Variants in NT5DC3 observed in about 807,000 individuals in gnomAD.
NT5DC3 encodes 5'-nucleotidase domain-containing protein 3.
In NT5DC3, 42 loss-of-function variants were observed where a neutral mutation model predicts 67.8. The ratio of observed to expected loss-of-function variants is 0.62; its 90% CI spans 0.48 to 0.80. The LOEUF is 0.80. Ranked by LOEUF, NT5DC3 falls within the 30% of genes least tolerant of loss-of-function variation. The pLI is 0.00. For synonymous variants in NT5DC3, 237 were observed against 255.6 expected (o/e 0.93, Z 0.69); for missense variants, 570 against 696.4 (o/e 0.82, Z 2.04).
At chr12:103,791,597 G>A (rs1438876152) in intron 9 of NT5DC3, among the ~76,000 whole-genome samples, 1 of 152,154 alleles carries the variant, frequency 6.6e-6, no homozygotes, top group Admixed American at 6.5e-5. Flanking sequence ...ACACACCTAG[G>A]TAGAACATCC....
intron 1 of NT5DC3, among the ~76,000 whole-genome samples, chr12:103,836,131 C>T (rs1192714932): frequency 6.6e-6 from 1 of 152,144 alleles, no homozygotes; most frequent in Non-Finnish European, 1.5e-5. Context: ...AGATGGTATT[C>T]AAGATGAGAT....
chr12:103,829,558 G>A (rs541560823), intron 1 of NT5DC3, among the ~76,000 whole-genome samples: 87 of 152,132 alleles, frequency 5.7e-4, no homozygotes, highest in African/African-American at 2.1e-3. Flanking sequence ...GCATCCAGCT[G>A]GAATGTTTCT....
chr12:103,811,307 G>C (rs1887022582), intron 2 of NT5DC3, among the ~76,000 whole-genome samples: 1 of 152,128 alleles, frequency 6.6e-6, no homozygotes, highest in Non-Finnish European at 1.5e-5. Context: ...AGCAAGCCGG[G>C]AGCAAGCCTC....
At position 103,777,927 on chromosome 12, in the gene NT5DC3, A is replaced by G; in HGVS notation, c.1549T>C (p.Tyr517His). The G allele has an allele frequency of 6.2e-7, 1 of 1,614,222 alleles. No individual in the cohort carries two copies. Among genetic ancestry groups the G allele is most frequent in the African/African-American group, 1.3e-5 (1 of 75,062 alleles). ...LLNYDVSHTF[Y>H]PRRTPLQHEL... ...TGCTGCAGTGGAGTCCTCCGGGGGT[A>G]GAAAGTGTGGCTGACGTCATAGTTC... The change falls in exon 14 of 14, where the codon TAC (tyrosine) becomes CAC (histidine). Residue 517 changes from tyrosine to histidine, a missense_variant. Physicochemically the swap from Tyr to His is moderately conservative, Grantham distance 83. This residue lies in a region of NT5DC3 where 466 missense variants were observed against 608.0 expected (regional missense o/e 0.77). Transcript: ENST00000392876.
At chr12:103,816,955 C>CTT (rs1887279584) in intron 1 of NT5DC3, among the ~76,000 whole-genome samples, 1 of 116,642 alleles carries the variant, frequency 8.6e-6, no homozygotes, top group Admixed American at 1.0e-4. Context: ...TCTTGGCAGT[C>CTT]TTTTCTTTTT....
chr12:103,782,378 AG>A (rs79934620), intron 12 of NT5DC3, among the ~76,000 whole-genome samples: 35,814 of 151,960 alleles, frequency 0.24, 4,785 homozygotes, highest in South Asian at 0.45. Context: ...AAGAAAAAAA[AG>A]AGAAGAATTT....
At chr12:103,808,254 G>A (rs934997734) in intron 2 of NT5DC3, among the ~76,000 whole-genome samples, 3 of 152,204 alleles carry the variant, frequency 2.0e-5, no homozygotes, top group African/African-American at 7.2e-5. Context: ...ACAAACTAGG[G>A]TATGGTGGGC....
chr12:103,753,495 C>T, the NT5DC3 span: 1 of 1,137,582 alleles, frequency 8.8e-7, no homozygotes, highest in African/African-American at 1.6e-5. Context: ...TAACAGTCAC[C>T]ATGTCCATTT....
intron 1 of NT5DC3, among the ~76,000 whole-genome samples, chr12:103,824,258 T>A (rs2139448570): frequency 6.6e-6 from 1 of 152,348 alleles, no homozygotes; most frequent in East Asian, 1.9e-4. Context: ...TTAAAGAGAT[T>A]TAAATTTTTA....
the NT5DC3 span, chr12:103,755,563 C>G: frequency 6.2e-7 from 1 of 1,612,200 alleles, no homozygotes; most frequent in Non-Finnish European, 8.5e-7. Context: ...CAGTGCAGCC[C>G]TGGCCCCTGC....
At chr12:103,786,721 C>G (rs967799657) in intron 11 of NT5DC3, among the ~76,000 whole-genome samples, 3 of 137,470 alleles carry the variant, frequency 2.2e-5, no homozygotes, top group African/African-American at 8.0e-5. Flanking sequence ...CTCACTCTGT[C>G]GCCTAGGCTA....
At chr12:103,778,498 T>C (rs1299434948) in intron 13 of NT5DC3, among the ~76,000 whole-genome samples, 2 of 152,100 alleles carry the variant, frequency 1.3e-5, no homozygotes, top group Non-Finnish European at 2.9e-5. Context: ...GCCACTGCAC[T>C]CCAGCCTGGG....
At chr12:103,766,999 C>T (rs974652187), downstream of NT5DC3, 1 of 152,318 alleles carries the variant, frequency 6.6e-6, no homozygotes, top group Non-Finnish European at 1.5e-5. Context: ...CAAAATAGTA[C>T]AGCCACTGTA....
At chr12:103,821,270 T>C (rs1414166888) in intron 1 of NT5DC3, among the ~76,000 whole-genome samples, 1 of 152,234 alleles carries the variant, frequency 6.6e-6, no homozygotes, top group Non-Finnish European at 1.5e-5. Flanking sequence ...ATTTTGGTGT[T>C]GCTTGTCACT....
chr12:103,819,756 T>G (rs1046648854), intron 1 of NT5DC3: 1 of 152,268 alleles, frequency 6.6e-6, no homozygotes, highest in African/African-American at 2.4e-5. Flanking sequence ...GTTCTGGTTT[T>G]TTGTGTTTTT....
chr12:103,748,623 C>T, the NT5DC3 span, among the ~76,000 whole-genome samples: 64 of 62,768 alleles, frequency 1.0e-3, no homozygotes, highest in Middle Eastern at 9.6e-3. Context: ...CACACACACA[C>T]ACACACACAC....
At chr12:103,781,797 A>G (rs10861099) in intron 12 of NT5DC3, among the ~76,000 whole-genome samples, 58,036 of 152,080 alleles carry the variant, frequency 0.38, 12,174 homozygotes, top group East Asian at 0.88. Flanking sequence ...GTGGGTACTT[A>G]ACATTGGAAA....
intron 4 of NT5DC3, among the ~76,000 whole-genome samples, chr12:103,800,013 G>A (rs1035813807): frequency 1.3e-5 from 2 of 152,112 alleles, no homozygotes; most frequent in Non-Finnish European, 2.9e-5. Context: ...AGACTGAATA[G>A]TACAGGAAAT....
chr12:103,756,997 ATAT>A, the NT5DC3 span, among the ~76,000 whole-genome samples: 10 of 130,162 alleles, frequency 7.7e-5, no homozygotes, highest in African/African-American at 2.4e-4. Flanking sequence ...AGGAGGGAAA[ATAT>A]ATATATATAT....
Sources: gnomAD v4.1 joint callset for allele counts (sites outside exome capture counted in the v4.1 genomes callset) on GRCh38, gnomAD v4.1.1 for gene constraint, gnomAD v4.1.1 regional missense constraint, MANE v1.5 for transcripts, NCBI Gene and HGNC (gene_info 2026-07-23, HGNC 2026-07-21) for gene names.